DNAI1: variants seen among roughly 807,000 people sequenced by gnomAD.
The protein encoded by DNAI1 is dynein, axonemal, intermediate polypeptide 1.
DNAI1 carries 67 observed loss-of-function variants against 92.0 expected under a neutral mutation model. The ratio of observed to expected loss-of-function variants is 0.73; its 90% CI spans 0.60 to 0.89. DNAI1 has a LOEUF of 0.89. Among genes scored for constraint, DNAI1 ranks in the 40% least tolerant of loss-of-function variants. The pLI, the probability that DNAI1 is intolerant of heterozygous loss-of-function variation, is 0.00. For missense variants in DNAI1, 839 were observed against 866.6 expected (o/e 0.97, Z 0.40); for synonymous variants, 323 against 319.6 (o/e 1.01, Z -0.11).
At position 34,485,289 on chromosome 9, in the gene DNAI1, G is replaced by A. The variant is rs766835375; in HGVS notation, c.180+49G>A. 12 of 1,610,738 alleles carry A rather than the reference G, an allele frequency of 7.4e-6. No homozygotes were observed. In the East Asian group the frequency reaches 8.9e-5, roughly 12 times the overall value. The stretch of plus-strand genomic sequence containing the variant: ...TGCTCCTTGTACCTCTTCCAGTTTC[G>A]GAGATGTGTTCTTCCATAGTACATG... On this transcript the variant is annotated intron_variant, in intron 3 of 19. Coordinates refer to ENST00000242317, the MANE Select transcript of DNAI1 (RefSeq NM_012144.4).
At chr9:34,471,017 A>G (rs1241332939) in intron 1 of DNAI1, among the ~76,000 whole-genome samples, 1 of 152,232 alleles carries the variant, frequency 6.6e-6, no homozygotes. Flanking sequence ...CCTATAGGTC[A>G]AGAAAATCAT....
intron 13 of DNAI1, among the ~76,000 whole-genome samples, chr9:34,507,487 G>A (rs1211683464): frequency 1.3e-5 from 2 of 152,208 alleles, no homozygotes; most frequent in Non-Finnish European, 2.9e-5. Context: ...TCATCACAAA[G>A]GTCTTCATCC....
At chr9:34,513,645 C>A (rs1825116025) in intron 16 of DNAI1, among the ~76,000 whole-genome samples, 1 of 152,198 alleles carries the variant, frequency 6.6e-6, no homozygotes, top group Non-Finnish European at 1.5e-5. Context: ...TCCTTCTGAA[C>A]TTCCATCCAT....
intron 19 of DNAI1, among the ~76,000 whole-genome samples, chr9:34,518,975 A>C (rs1389972143): frequency 6.6e-6 from 1 of 151,304 alleles, no homozygotes; most frequent in Non-Finnish European, 1.5e-5. Context: ...CCAGGGAGGT[A>C]AGCATCTCCC....
intron 1 of DNAI1, among the ~76,000 whole-genome samples, chr9:34,461,196 C>T (rs570600666): frequency 5.9e-5 from 9 of 152,138 alleles, no homozygotes; most frequent in South Asian, 4.2e-4. Flanking sequence ...AGGCTGGTCT[C>T]GGACTCCTGA....
chr9:34,510,386 A>G (rs916335056), intron 13 of DNAI1, among the ~76,000 whole-genome samples: 3 of 152,108 alleles, frequency 2.0e-5, no homozygotes, highest in African/African-American at 7.2e-5. Flanking sequence ...ATTCTGGGGA[A>G]GGAGGCAGGA....
intron 1 of DNAI1, among the ~76,000 whole-genome samples, chr9:34,460,181 C>G (rs965110834): frequency 6.6e-6 from 1 of 152,212 alleles, no homozygotes; most frequent in Non-Finnish European, 1.5e-5. Context: ...CAGAGTTCTG[C>G]TTTCTTCCTC....
chr9:34,512,469 C>A, intron 15 of DNAI1, 45 bp downstream of exon 15: 1 of 1,574,050 alleles, frequency 6.4e-7, no homozygotes, highest in Non-Finnish European at 8.7e-7. Flanking sequence ...CCAGGTCATT[C>A]AGGCCCAGTG....
At chr9:34,490,527 A>G in intron 7 of DNAI1, 39 bp downstream of exon 7, 1 of 1,613,196 alleles carries the variant, frequency 6.2e-7, no homozygotes, top group Non-Finnish European at 8.5e-7. Context: ...GCAGCTCTTC[A>G]CTGTGCCTGG....
chr9:34,520,088 C>T (rs1347551190), intron 19 of DNAI1, among the ~76,000 whole-genome samples: 1 of 152,152 alleles, frequency 6.6e-6, no homozygotes, highest in Admixed American at 6.5e-5. Context: ...CCTTATGGGT[C>T]TCTTGACACT....
intron 16 of DNAI1, among the ~76,000 whole-genome samples, chr9:34,514,104 A>C (rs1340252482): frequency 1.3e-5 from 2 of 152,140 alleles, no homozygotes; most frequent in African/African-American, 4.8e-5. Context: ...TAAGGAGAGA[A>C]GGCTTTTTCT....
intron 7 of DNAI1, 22 bp downstream of exon 7, chr9:34,490,510 C>T: frequency 6.2e-7 from 1 of 1,613,654 alleles, no homozygotes; most frequent in Non-Finnish European, 8.5e-7. Flanking sequence ...CCCACCCTAG[C>T]CCCTTTGCAG....
At chr9:34,499,648 T>C (rs1217370158) in intron 10 of DNAI1, among the ~76,000 whole-genome samples, 1 of 152,098 alleles carries the variant, frequency 6.6e-6, no homozygotes, top group Non-Finnish European at 1.5e-5. Context: ...AATGAAGGCC[T>C]TACAGATGAG....
chr9:34,505,302 T>C (rs1387591118), intron 12 of DNAI1, among the ~76,000 whole-genome samples: 1 of 152,164 alleles, frequency 6.6e-6, no homozygotes, highest in Non-Finnish European at 1.5e-5. Context: ...TGTGGTCCCC[T>C]TCCAGCAAGC....
At chr9:34,520,564 C>T (rs1456917446) in intron 19 of DNAI1, 94 bp from the exon 20 acceptor site, 18 of 1,141,478 alleles carry the variant, frequency 1.6e-5, no homozygotes, top group Non-Finnish European at 2.2e-5. Flanking sequence ...AGGGGTAGGG[C>T]ACAGCTGGAC....
chr9:34,495,592 T>G (rs1336135332), intron 9 of DNAI1, among the ~76,000 whole-genome samples: 1 of 152,198 alleles, frequency 6.6e-6, no homozygotes, highest in Admixed American at 6.5e-5. Flanking sequence ...ATTTCATGAC[T>G]GATGGAGCTG....
At chr9:34,497,997 G>T (rs1452194751) in intron 10 of DNAI1, among the ~76,000 whole-genome samples, 1 of 152,188 alleles carries the variant, frequency 6.6e-6, no homozygotes, top group African/African-American at 2.4e-5. Context: ...ACCTATCTCT[G>T]CAGACAGTTC....
Position 34,512,365 on chromosome 9 carries a change from AG to A in DNAI1, c.1431del (p.Lys477AsnfsTer2), listed in dbSNP as rs1277857066. Reference protein sequence around the residue: ...KRKLVHIDVIKLKVEGSTTEV... With the variant: ...KRKLVHIDVIXLKVEGSTTEV... The stretch of plus-strand genomic sequence containing the variant: ...AAGCTGGTTCACATAGATGTCATCA[AG>A]CTGAAGGTGGAAGGCAGCACCACGG... On this transcript the variant is annotated frameshift_variant, in exon 15 of 20. Transcript: ENST00000242317. LOFTEE classifies it high-confidence loss of function. The A allele has an allele frequency of 1.2e-6, 2 of 1,614,188 alleles. No homozygotes were observed. Among genetic ancestry groups the A allele is most frequent in the South Asian group, 2.2e-5 (2 of 91,086 alleles).
intron 1 of DNAI1, among the ~76,000 whole-genome samples, chr9:34,474,836 G>A (rs1164665806): frequency 1.3e-5 from 2 of 152,064 alleles, no homozygotes; most frequent in African/African-American, 4.8e-5. Context: ...CAAAGTGTTG[G>A]GATTACAGGT....
Sources: allele counts gnomAD v4.1 joint callset (sites outside exome capture counted in the v4.1 genomes callset), GRCh38; gene constraint gnomAD v4.1.1; transcripts MANE v1.5; gene names NCBI Gene and HGNC (gene_info 2026-07-23, HGNC 2026-07-21).